CHRM5: variants seen among roughly 807,000 people sequenced by gnomAD.
CHRM5 encodes cholinergic receptor muscarinic 5.
Under a neutral mutation model 39.0 loss-of-function variants are expected in CHRM5, and 18 were observed. The ratio of observed to expected loss-of-function variants is 0.46; its 90% CI spans 0.32 to 0.68. The LOEUF (loss-of-function observed/expected upper bound fraction) is 0.68, where lower values mean the gene tolerates loss of function less well. Among genes scored for constraint, CHRM5 ranks in the 30% least tolerant of loss-of-function variants. CHRM5 has a pLI of 0.04. For missense variants in CHRM5, 515 were observed against 651.1 expected, an observed-to-expected ratio of 0.79 and a Z score of 2.28; for synonymous variants, 241 against 246.3, an observed-to-expected ratio of 0.98 and a Z score of 0.20.
At chr15:33,978,002 G>GAGGA (rs1343060616) in intron 1 of CHRM5, among the ~76,000 whole-genome samples, 30 of 141,316 alleles carry the variant, frequency 2.1e-4, no homozygotes, top group Non-Finnish European at 6.2e-5. Flanking sequence ...AAAAGGAAGA[G>GAGGA]AGGAAGGGAG....
chr15:34,039,189 C>A, intron 1 of CHRM5: 1 of 680,714 alleles, frequency 1.5e-6, no homozygotes, highest in Non-Finnish European at 1.8e-6. Context: ...GGCTAGGGAT[C>A]GAGGCCGGCC....
intron 1 of CHRM5, among the ~76,000 whole-genome samples, chr15:34,016,302 T>G (rs1313189530): frequency 6.6e-6 from 1 of 152,176 alleles, no homozygotes; most frequent in East Asian, 1.9e-4. Flanking sequence ...TAGAATGAAG[T>G]GCACAGTACT....
chr15:34,056,434 C>CT (rs1900152889), intron 2 of CHRM5, among the ~76,000 whole-genome samples: 1 of 152,168 alleles, frequency 6.6e-6, no homozygotes, highest in South Asian at 2.1e-4. Context: ...CTGAGAAAGG[C>CT]TAGATAAGCT....
intron 1 of CHRM5, among the ~76,000 whole-genome samples, chr15:34,040,802 C>A (rs1250326451): frequency 6.6e-6 from 1 of 151,768 alleles, no homozygotes; most frequent in African/African-American, 2.4e-5. Flanking sequence ...CCTATAGTCC[C>A]ACTACTTGGG....
Position 34,015,382 on chromosome 15 carries a change from T to C in CHRM5, c.-407-31158T>C, listed in dbSNP as rs548141307. Reference sequence around the variant, plus strand: ...CCTGTAGTCCAGCTACTCGGGAGGCTGAGGCAGGAGAATAGCGTGAACCCG... The same window carrying C: ...CCTGTAGTCCAGCTACTCGGGAGGCCGAGGCAGGAGAATAGCGTGAACCCG... On this transcript the variant is annotated intron_variant, in intron 1 of 2. Coordinates refer to ENST00000383263, the MANE Select transcript of CHRM5 (RefSeq NM_012125.4). Among the ~76,000 whole-genome samples the C allele has an allele frequency of 2.6e-5, 4 of 151,972 alleles. No homozygotes were observed. The South Asian group carries it at 6.3e-4, about 24-fold the overall frequency.
At chr15:34,031,943 C>T (rs150038213) in intron 1 of CHRM5, among the ~76,000 whole-genome samples, 2,614 of 152,042 alleles carry the variant, frequency 0.017, 73 homozygotes, top group African/African-American at 0.06. Context: ...ACTAACAAAG[C>T]TGTTAATTAT....
chr15:33,990,139 G>T (rs1896656345), intron 1 of CHRM5, among the ~76,000 whole-genome samples: 1 of 152,074 alleles, frequency 6.6e-6, no homozygotes, highest in South Asian at 2.1e-4. Context: ...GGGAGGCAGA[G>T]GTTGCAGTGA....
In CHRM5 at chr15:34,012,513, T is replaced by G. The variant is rs567659496; in HGVS notation, c.-407-34027T>G. Among the ~76,000 whole-genome samples, 22 of 152,320 alleles carry G rather than the reference T, an allele frequency of 1.4e-4. No individual in the cohort carries two copies. In the South Asian group the frequency reaches 4.6e-3, roughly 32 times the overall value. ...CAGGTACATCTGCCTCTCTGTTCCA[T>G]TTTTGCTGGGATTTCACTGCATATG... On this transcript the variant is annotated intron_variant, in intron 1 of 2. Transcript: ENST00000383263.
At chr15:34,049,327 G>A (rs1036561411) in intron 2 of CHRM5, among the ~76,000 whole-genome samples, 3 of 152,192 alleles carry the variant, frequency 2.0e-5, no homozygotes, top group African/African-American at 7.2e-5. Context: ...TGCAGGAGCT[G>A]ACAGCCAGAG....
Position 34,063,106 on chromosome 15 carries a change from T to C in CHRM5, c.389T>C (p.Phe130Ser). The change falls in exon 3 of 3, where the codon TTT (phenylalanine) becomes TCT (serine). Residue 130 changes from phenylalanine to serine, a missense_variant. Phe to Ser is a radical substitution (Grantham distance 155). Coordinates refer to ENST00000383263, the MANE Select transcript of CHRM5 (RefSeq NM_012125.4). The surrounding 1 kb of genome is among the most constrained non-coding windows in gnomAD (Gnocchi z 4.1). The part of the protein sequence containing the change: ...NLLVISFDRY[F>S]SITRPLTYRA... ...CTGGTGATCAGTTTTGACCGTTACTTTTCCATCACAAGACCCTTGACATAT... is the reference window on the plus strand; with the variant it reads ...CTGGTGATCAGTTTTGACCGTTACTCTTCCATCACAAGACCCTTGACATAT... 6.2e-7 allele frequency: 1 copy of C among 1,614,184 alleles called. No homozygotes were observed. The highest frequency in any genetic ancestry group is 8.5e-7 in the Non-Finnish European group (1 of 1,180,028).
chr15:34,027,801 C>G (rs892237539), intron 1 of CHRM5, among the ~76,000 whole-genome samples: 1 of 144,074 alleles, frequency 6.9e-6, no homozygotes, highest in Non-Finnish European at 1.5e-5. Flanking sequence ...TCACAGCTAC[C>G]TGAGGCAAGG....
At position 34,008,488 on chromosome 15, in the gene CHRM5, T is replaced by C. The variant is rs538335727; in HGVS notation, c.-407-38052T>C. 5.4e-3 allele frequency among the ~76,000 whole-genome samples: 137 copies of C among 25,394 alleles called. 1 individual carries two copies. The highest frequency in any genetic ancestry group is 0.083 in the Middle Eastern group (2 of 24). The allele number at this position is 25,394 out of a possible 152,430, so 16.7% of individuals were successfully genotyped here. A position where few individuals can be genotyped will look rare whatever the true frequency, so the allele number is the denominator to read the frequency against. ...TCCCAAAGTTGATGAAAAACCTTTT[T>C]TTTTTTTTTTTTTTTTTTGAGACAG... is the stretch of plus-strand genomic sequence containing the variant. On this transcript the variant is annotated intron_variant, in intron 1 of 2. Transcript: ENST00000383263.
chr15:33,984,657 C>A (rs1896342705), intron 1 of CHRM5, among the ~76,000 whole-genome samples: 1 of 152,146 alleles, frequency 6.6e-6, no homozygotes, highest in South Asian at 2.1e-4. Flanking sequence ...CCGTCTTGGC[C>A]TCCCAAAGTG....
intron 1 of CHRM5, among the ~76,000 whole-genome samples, chr15:33,974,736 G>A (rs553236419): frequency 1.3e-5 from 2 of 152,320 alleles, no homozygotes; most frequent in African/African-American, 4.8e-5. Context: ...ACTTTGGGAG[G>A]CCGAGGCAGG....
rs1186992330 is a variant in CHRM5 at position 34,062,849 on chromosome 15, C to T, written c.132C>T (p.Thr44=). 4 of 1,614,232 alleles carry T rather than the reference C, an allele frequency of 2.5e-6. No individual in the cohort carries two copies. The highest frequency in any genetic ancestry group is 1.7e-6 in the Non-Finnish European group (2 of 1,180,044). The change falls in exon 3 of 3, where the codon ACC becomes ACT. Residue 44 remains threonine (T), a synonymous_variant. Coordinates refer to ENST00000383263, the MANE Select transcript of CHRM5 (RefSeq NM_012125.4). Reference sequence around the variant, plus strand: ...TGACTGCTGTGGTAAGCCTGATCACCATTGTGGGCAATGTCTTGGTCATGA... The same window carrying T: ...TGACTGCTGTGGTAAGCCTGATCACTATTGTGGGCAATGTCTTGGTCATGA... ...AAVTAVVSLI[T]IVGNVLVMIS...
intron 2 of CHRM5, among the ~76,000 whole-genome samples, chr15:34,048,017 C>T (rs1188473728): frequency 7.7e-6 from 1 of 129,782 alleles, no homozygotes; most frequent in Non-Finnish European, 1.8e-5. Flanking sequence ...TCACCACGTC[C>T]AGCTCGTGTG....
At chr15:33,981,329 CTGCGTACTAATATATTTTT>C (rs1277463857) in intron 1 of CHRM5, among the ~76,000 whole-genome samples, 2 of 152,140 alleles carry the variant, frequency 1.3e-5, no homozygotes, top group Non-Finnish European at 2.9e-5. Context: ...GTTAGCACTC[CTGCGTACTAATATATTTTT>C]TCCGGACTTT....
intron 1 of CHRM5, among the ~76,000 whole-genome samples, chr15:33,999,434 C>T (rs1424470636): frequency 1.3e-5 from 2 of 152,106 alleles, no homozygotes; most frequent in African/African-American, 4.8e-5. Context: ...GTGTGCCAGC[C>T]ATTTATTAAG....
intron 2 of CHRM5, among the ~76,000 whole-genome samples, chr15:34,061,333 A>G (rs1174175405): frequency 4.6e-5 from 7 of 152,248 alleles, no homozygotes; most frequent in East Asian, 3.8e-4. Context: ...TTAATTAAAT[A>G]TAGTACATCC....
Sources: allele counts gnomAD v4.1 joint callset (sites outside exome capture counted in the v4.1 genomes callset), GRCh38; gene constraint gnomAD v4.1.1; non-coding constraint Gnocchi (gnomAD v3.1); transcripts MANE v1.5; gene names NCBI Gene and HGNC (gene_info 2026-07-23, HGNC 2026-07-21).